EPB42: variants seen among roughly 807,000 people sequenced by gnomAD.
The protein encoded by EPB42 is protein 4.2.
A neutral mutation model predicts 76.9 loss-of-function variants in EPB42; 49 were observed. That is an observed-to-expected ratio of 0.64 (90% CI 0.51 to 0.81). The LOEUF (loss-of-function observed/expected upper bound fraction) is 0.81, where lower values mean the gene tolerates loss of function less well. EPB42 is among the 30% of genes least tolerant of loss of function. The probability of loss-of-function intolerance (pLI) is 0.00; values close to 1 mark genes in which losing one functional copy is unlikely to be tolerated. For missense variants in EPB42, 731 were observed against 867.6 expected (o/e 0.84, Z 1.98); for synonymous variants, 310 against 338.4 (o/e 0.92, Z 0.92).
chr15:43,207,316 C>T lies in EPB42; in HGVS notation c.1201G>A (p.Asp401Asn), dbSNP rs148289169. The change falls in exon 9 of 13, where the codon GAT (aspartate) becomes AAT (asparagine). Residue 401 changes from aspartate to asparagine, a missense_variant. Physicochemically the swap from Asp to Asn is conservative, Grantham distance 23. Coordinates refer to ENST00000441366, the MANE Select transcript of EPB42 (RefSeq NM_001114134.2). ...GAGTCAGTCAACTCCAGTGTCCCATCCTCACAGCACTTCCAGACCACACAT... is the reference window on the plus strand; with the variant it reads ...GAGTCAGTCAACTCCAGTGTCCCATTCTCACAGCACTTCCAGACCACACAT... ...ASCVVWKCCEDGTLELTDSNT... is the reference protein window; with the variant it reads ...ASCVVWKCCENGTLELTDSNT... 9 of 1,614,106 alleles carry T rather than the reference C, an allele frequency of 5.6e-6. No individual in the cohort carries two copies. The highest frequency in any genetic ancestry group is 7.6e-6 in the Non-Finnish European group (9 of 1,180,046).
rs1424886778 is a variant in EPB42, at chr15:43,208,630, T to C, written c.971+7A>G. 2.5e-6 allele frequency: 4 copies of C among 1,613,948 alleles called. No homozygotes were observed. The highest frequency in any genetic ancestry group is 1.7e-5 in the Admixed American group (1 of 59,998). On this transcript the variant is annotated splice_region_variant and intron_variant, in intron 7 of 12. Transcript: ENST00000441366. ...GACTGGAACCTCATCTCCCTTGGGC[T>C]TCTCACCAGATTCTGCCTCTCTGGC...
chr15:43,210,260 C>T lies in EPB42; in HGVS notation c.654+75G>A, dbSNP rs565635727. ...TGTGATTTGGGGGTTTCTGAGGCCA[C>T]GGTGGTGGGGCAGGTCTCTCAGAGG... On this transcript the variant is annotated intron_variant, in intron 5 of 12. Coordinates refer to ENST00000441366, the MANE Select transcript of EPB42 (RefSeq NM_001114134.2). 1.6e-4 allele frequency: 213 copies of T among 1,333,244 alleles called. No individual in the cohort carries two copies. The South Asian group carries it at 1.8e-3, about 11-fold the overall frequency. 82.6% of individuals were successfully genotyped at this position (1,333,244 alleles called of 1,614,324 possible). A position where few individuals can be genotyped will look rare whatever the true frequency, so the allele number is the denominator to read the frequency against.
At chr15:43,201,395 G>A (rs111739533) in intron 12 of EPB42, among the ~76,000 whole-genome samples, 2,063 of 152,274 alleles carry the variant, frequency 0.014, 39 homozygotes, top group African/African-American at 0.047. Flanking sequence ...TTATACGTAC[G>A]AATAAAAGGA....
intron 12 of EPB42, among the ~76,000 whole-genome samples, chr15:43,198,076 C>T (rs963075941): frequency 4.6e-5 from 7 of 152,156 alleles, no homozygotes; most frequent in Admixed American, 4.6e-4. Flanking sequence ...TCTTTTTCTT[C>T]CCAGTCTCAG....
Position 43,202,039 on chromosome 15 carries a change from C to A in EPB42, c.1780-62G>T, listed in dbSNP as rs184479496. ...GGCACAGCTGCAGTCACTCTCTCCT[C>A]CCATGCACCCCTGTACCCTCCTCAG... On this transcript the variant is annotated intron_variant, in intron 11 of 12. Transcript: ENST00000441366. The A allele has an allele frequency of 7.9e-5, 127 of 1,610,492 alleles. No homozygotes were observed. In the African/African-American group the frequency reaches 1.4e-3, roughly 18 times the overall value.
rs750288870 is a variant in EPB42, at chr15:43,208,687, G to T, written c.921C>A (p.Tyr307Ter). 3 of 1,614,156 alleles carry T rather than the reference G, an allele frequency of 1.9e-6. No individual in the cohort carries two copies. Among genetic ancestry groups the T allele is most frequent in the South Asian group, 1.1e-5 (1 of 91,080 alleles). ...CGTTCTGAAGTCCCTCCTCATTATA[G>T]TATTCATCTATGAGAAGACGCCCAC... ...GTGGRLLIDE[Y>*]YNEEGLQNGE... Residue 307 changes from tyrosine to a stop codon, truncating the protein, a stop_gained, in exon 7 of 13, where the codon TAC becomes TAA. Transcript: ENST00000441366. LOFTEE classifies it high-confidence loss of function.
In EPB42 at chr15:43,215,224, A is replaced by ACTGGGCAT. The variant is rs1215949434; in HGVS notation, c.293_300dup (p.Ser101MetfsTer9). The stretch of plus-strand genomic sequence containing the variant: ...GGTGTGGTCACAGAGATGGTCCAGG[A>ACTGGGCAT]CTGGGCATCTCTCTCCTCCACCACT... On this transcript the variant is annotated frameshift_variant, in exon 3 of 13. Transcript: ENST00000441366. LOFTEE classifies it high-confidence loss of function. The ACTGGGCAT allele has an allele frequency of 5.0e-6, 8 of 1,614,196 alleles. No homozygotes were observed. The highest frequency in any genetic ancestry group is 5.9e-6 in the Non-Finnish European group (7 of 1,180,030).
chr15:43,209,291 G>A lies in EPB42; in HGVS notation c.815C>T (p.Ala272Val), dbSNP rs768890901. Reference protein sequence around the residue: ...PVYDGQAWVLAAVACTVLRCL... With the variant: ...PVYDGQAWVLVAVACTVLRCL... ...GGACCAACCTGTGCAAGCAACAGCA[G>A]CCAACACCCAGGCCTGGCCATCATA... The change falls in exon 6 of 13, where the codon GCT becomes GTT. Residue 272 changes from alanine to valine, a missense_variant. Physicochemically the swap from Ala to Val is moderately conservative, Grantham distance 64. Coordinates refer to ENST00000441366, the MANE Select transcript of EPB42 (RefSeq NM_001114134.2). The A allele has an allele frequency of 1.9e-6, 3 of 1,614,012 alleles. No homozygotes were observed. Among genetic ancestry groups the A allele is most frequent in the Non-Finnish European group, 2.5e-6 (3 of 1,180,028 alleles).
chr15:43,200,376 T>C (rs1331735785), intron 12 of EPB42, among the ~76,000 whole-genome samples: 2 of 152,162 alleles, frequency 1.3e-5, no homozygotes, highest in Non-Finnish European at 2.9e-5. Flanking sequence ...TTATACTGTC[T>C]GTTCAACTAA....
chr15:43,211,640 C>A, intron 3 of EPB42, 106 bp from the exon 4 acceptor site: 1 of 807,764 alleles, frequency 1.2e-6, no homozygotes, highest in Non-Finnish European at 2.2e-6. Flanking sequence ...TGCAGGCCAC[C>A]CCGTCAGCTC....
intron 1 of EPB42, 132 bp downstream of exon 1, chr15:43,220,684 C>T (rs376416221): frequency 2.5e-6 from 3 of 1,197,862 alleles, no homozygotes; most frequent in South Asian, 2.4e-5. Context: ...ATCACCAGTA[C>T]CCCCTCCCCC....
At chr15:43,220,687 C>T in intron 1 of EPB42, 129 bp downstream of exon 1, 1 of 1,557,558 alleles carries the variant, frequency 6.4e-7, no homozygotes, top group South Asian at 1.1e-5. Flanking sequence ...ACCAGTACCC[C>T]CTCCCCCACC....
chr15:43,223,898 G>T (rs986376405), upstream of EPB42, among the ~76,000 whole-genome samples: 1 of 152,118 alleles, frequency 6.6e-6, no homozygotes. Flanking sequence ...CGCTTGACCT[G>T]GTGGGTGGAG....
chr15:43,216,125 G>C, intron 2 of EPB42, 143 bp downstream of exon 2: 2 of 981,846 alleles, frequency 2.0e-6, no homozygotes, highest in Non-Finnish European at 3.1e-6. Flanking sequence ...GCACCCTCAT[G>C]ACTGCCCTGC....
intron 1 of EPB42, 167 bp downstream of exon 1, chr15:43,220,649 A>ACCCCCCCCCCCCC (rs3832982): frequency 7.7e-6 from 3 of 389,180 alleles, no homozygotes; most frequent in African/African-American, 3.0e-5. Context: ...CACCTACCAC[A>ACCCCCCCCCCCCC]CCCCCCCCCC....
At chr15:43,225,293 A>AT (rs2042498090), upstream of EPB42, among the ~76,000 whole-genome samples, 1 of 152,208 alleles carries the variant, frequency 6.6e-6, no homozygotes, top group Admixed American at 6.5e-5. Context: ...ATGAACTTGT[A>AT]TTTATGTGTT....
At chr15:43,211,674 G>A in intron 3 of EPB42, 140 bp from the exon 4 acceptor site, 2 of 721,530 alleles carry the variant, frequency 2.8e-6, no homozygotes, top group South Asian at 2.9e-5. Flanking sequence ...GACTGAGGAG[G>A]AAGTCCCTCT....
intron 11 of EPB42, 105 bp downstream of exon 11, chr15:43,203,009 TA>T: frequency 7.2e-7 from 1 of 1,389,176 alleles, no homozygotes; most frequent in Non-Finnish European, 1.0e-6. Flanking sequence ...CATTTTCTGG[TA>T]ATCTTGCAGC....
chr15:43,207,222 G>C lies in EPB42; in HGVS notation c.1295C>G (p.Thr432Ser). 1 of 1,614,104 alleles carries C rather than the reference G, an allele frequency of 6.2e-7. No individual in the cohort carries two copies. Among genetic ancestry groups the C allele is most frequent in the Non-Finnish European group, 8.5e-7 (1 of 1,179,976 alleles). The part of the protein sequence containing the change: ...GVGSDRCEDI[T>S]QNYKYPEGSL... ...ACCTTCAGGATACTTGTAGTTCTGA[G>C]TGATGTCCTCGCAGCGGTCACTGCC... The change falls in exon 9 of 13, where the codon ACT becomes AGT. Residue 432 changes from threonine to serine, a missense_variant. Transcript: ENST00000441366.
Sources: gnomAD v4.1 joint callset for allele counts (sites outside exome capture counted in the v4.1 genomes callset) on GRCh38, gnomAD v4.1.1 for gene constraint, MANE v1.5 for transcripts, NCBI Gene and HGNC (gene_info 2026-07-23, HGNC 2026-07-21) for gene names.